Variants in DDX10 observed in about 807,000 individuals in gnomAD.
DDX10 encodes the protein DEAD-box helicase 10.
In DDX10, 74 loss-of-function variants were observed where a neutral mutation model predicts 104.3. The ratio of observed to expected loss-of-function variants is 0.71; its 90% confidence interval spans 0.59 to 0.86. The LOEUF (loss-of-function observed/expected upper bound fraction) is 0.86. DDX10 is among the 40% of genes least tolerant of loss of function. The probability of loss-of-function intolerance (pLI) is 0.00; values close to 1 mark genes in which losing one functional copy is unlikely to be tolerated. For missense variants in DDX10, 952 were observed against 1,040.0 expected (o/e 0.92, Z 1.16); for synonymous variants, 351 against 353.4 (o/e 0.99, Z 0.08).
intron 16 of DDX10, among the ~76,000 whole-genome samples, chr11:108,885,008 G>A (rs185697169): frequency 3.7e-4 from 57 of 152,204 alleles, no homozygotes; most frequent in African/African-American, 1.3e-3. Flanking sequence ...CCAAAAACAC[G>A]AATCAAGCTT....
chr11:108,793,969 C>A (rs1303585179), intron 13 of DDX10, among the ~76,000 whole-genome samples: 1 of 152,020 alleles, frequency 6.6e-6, no homozygotes, highest in Non-Finnish European at 1.5e-5. Flanking sequence ...AACATAATGA[C>A]CTCCAGTTCC....
At chr11:108,701,916 C>A (rs1004656882) in intron 9 of DDX10, among the ~76,000 whole-genome samples, 2 of 152,060 alleles carry the variant, frequency 1.3e-5, no homozygotes, top group South Asian at 4.1e-4. Flanking sequence ...AAACTCCTGA[C>A]CTCAGGTGAT....
At chr11:108,819,213 T>C (rs1862293591) in intron 13 of DDX10, among the ~76,000 whole-genome samples, 1 of 152,204 alleles carries the variant, frequency 6.6e-6, no homozygotes, top group South Asian at 2.1e-4. Context: ...CCCAGAGTTA[T>C]CACTGAAGCT....
chr11:108,743,988 A>G (rs2094328346), intron 13 of DDX10, among the ~76,000 whole-genome samples: 1 of 152,158 alleles, frequency 6.6e-6, no homozygotes, highest in African/African-American at 2.4e-5. Context: ...TTAACCAGAA[A>G]TGAAAGTAGG....
intron 13 of DDX10, among the ~76,000 whole-genome samples, chr11:108,725,778 A>T (rs2094304662): frequency 6.6e-6 from 1 of 152,000 alleles, no homozygotes; most frequent in Admixed American, 6.6e-5. Flanking sequence ...AAGAGCAGGT[A>T]TCTTAAATTT....
At chr11:108,936,546 T>G (rs1226528327) in intron 17 of DDX10, among the ~76,000 whole-genome samples, 1 of 152,164 alleles carries the variant, frequency 6.6e-6, no homozygotes, top group Non-Finnish European at 1.5e-5. Context: ...CTTCCAAACC[T>G]TTTTCTATGC....
At chr11:108,779,740 T>C (rs1475292255) in intron 13 of DDX10, among the ~76,000 whole-genome samples, 1 of 152,212 alleles carries the variant, frequency 6.6e-6, no homozygotes, top group Non-Finnish European at 1.5e-5. Flanking sequence ...TAACATTTCA[T>C]TGTTTTGGAG....
At chr11:108,878,281 C>T (rs1591107156) in intron 16 of DDX10, among the ~76,000 whole-genome samples, 1 of 152,298 alleles carries the variant, frequency 6.6e-6, no homozygotes, top group Non-Finnish European at 1.5e-5. Context: ...GGCAACTCAG[C>T]TGAGATGCAC....
At chr11:108,713,759 G>A (rs2094287654) in intron 10 of DDX10, among the ~76,000 whole-genome samples, 1 of 152,184 alleles carries the variant, frequency 6.6e-6, no homozygotes, top group South Asian at 2.1e-4. Flanking sequence ...AAGAATTGCT[G>A]TAAATAGGCC....
At chr11:108,854,278 G>T (rs778586889) in intron 16 of DDX10, among the ~76,000 whole-genome samples, 1 of 152,326 alleles carries the variant, frequency 6.6e-6, no homozygotes, top group South Asian at 2.1e-4. Context: ...TGGTAAAGGG[G>T]TGATGGCACA....
intron 16 of DDX10, among the ~76,000 whole-genome samples, chr11:108,861,770 T>G (rs1367680163): frequency 6.6e-6 from 1 of 152,138 alleles, no homozygotes; most frequent in Non-Finnish European, 1.5e-5. Context: ...GCCTATGGTT[T>G]GTGCAGTTTT....
chr11:108,873,032 A>C (rs541999857), intron 16 of DDX10, among the ~76,000 whole-genome samples: 32 of 152,312 alleles, frequency 2.1e-4, no homozygotes, highest in Non-Finnish European at 3.7e-4. Context: ...GTGTTTATAG[A>C]ATAAACATCA....
intron 16 of DDX10, among the ~76,000 whole-genome samples, chr11:108,868,757 A>G (rs923662281): frequency 6.6e-6 from 1 of 152,118 alleles, no homozygotes; most frequent in Admixed American, 6.5e-5. Flanking sequence ...TTGCTAACAT[A>G]ACTATGTCTT....
chr11:108,743,367 G>T (rs3902843), intron 13 of DDX10, among the ~76,000 whole-genome samples: 84,140 of 151,892 alleles, frequency 0.55, 23,641 homozygotes, highest in Non-Finnish European at 0.61. Flanking sequence ...GGCATTGAAG[G>T]AATAAACGTC....
chr11:108,736,598 G>A (rs1163754761), intron 13 of DDX10, among the ~76,000 whole-genome samples: 2 of 152,122 alleles, frequency 1.3e-5, no homozygotes, highest in Non-Finnish European at 2.9e-5. Context: ...TAGGTCATGA[G>A]GGCACCTTCC....
chr11:108,763,491 G>A (rs2094353115), intron 13 of DDX10, among the ~76,000 whole-genome samples: 2 of 152,110 alleles, frequency 1.3e-5, no homozygotes, highest in South Asian at 4.1e-4. Flanking sequence ...AGAGATGTGG[G>A]GGGATACTTA....
At chr11:108,675,938 A>G in intron 3 of DDX10, 1 of 557,670 alleles carries the variant, frequency 1.8e-6, no homozygotes. Flanking sequence ...GCAGGCACTC[A>G]ATAACTTACT....
chr11:108,744,488 C>A (rs1046147086), intron 13 of DDX10, among the ~76,000 whole-genome samples: 11 of 152,146 alleles, frequency 7.2e-5, no homozygotes. Context: ...GTACAGACCC[C>A]AAAGTCTACT....
chr11:108,814,039 A>G lies in DDX10; in HGVS notation c.1966-24407A>G, dbSNP rs1229109502. Among the ~76,000 whole-genome samples the G allele has an allele frequency of 3.9e-5, 6 of 152,138 alleles. No individual in the cohort carries two copies. In the East Asian group the frequency reaches 9.6e-4, roughly 24 times the overall value. Reference sequence around the variant, plus strand: ...GACTTGGAGATATCTGGTGGTGTCAATTTGGGCAATCCACTGTAAGGGTTT... The same window carrying G: ...GACTTGGAGATATCTGGTGGTGTCAGTTTGGGCAATCCACTGTAAGGGTTT... On this transcript the variant is annotated intron_variant, in intron 13 of 17. Coordinates refer to ENST00000322536, the MANE Select transcript of DDX10 (RefSeq NM_004398.4).
Sources: allele counts gnomAD v4.1 joint callset (sites outside exome capture counted in the v4.1 genomes callset), GRCh38; gene constraint gnomAD v4.1.1; transcripts MANE v1.5; gene names NCBI Gene and HGNC (gene_info 2026-07-23, HGNC 2026-07-21).